FBXO36: variants seen among roughly 807,000 people sequenced by gnomAD.
FBXO36 encodes F-box only protein 36.
In FBXO36, 18 loss-of-function variants were observed where a neutral mutation model predicts 17.0. The observed-to-expected ratio is 1.06, with a 90% CI of 0.73 to 1.57. The LOEUF is 1.57. Ranked by LOEUF, FBXO36 falls within the 40% of genes most tolerant of loss-of-function variation. The probability of loss-of-function intolerance (pLI) is 0.00; values close to 1 mark genes in which losing one functional copy is unlikely to be tolerated. For synonymous variants in FBXO36, 83 were observed against 85.3 expected, an observed-to-expected ratio of 0.97 and a Z score of 0.15; for missense variants, 229 against 221.9, an observed-to-expected ratio of 1.03 and a Z score of -0.20.
At chr2:229,952,592 T>A (rs1029859034) in intron 1 of FBXO36, among the ~76,000 whole-genome samples, 2 of 152,130 alleles carry the variant, frequency 1.3e-5, no homozygotes, top group Non-Finnish European at 2.9e-5. Flanking sequence ...GGGCCACAGA[T>A]GAATGGGAGA....
At chr2:230,004,046 C>T (rs1476640901) in intron 3 of FBXO36, among the ~76,000 whole-genome samples, 3 of 152,200 alleles carry the variant, frequency 2.0e-5, no homozygotes, top group Admixed American at 6.5e-5. Flanking sequence ...AGCACAGCCA[C>T]GGGGCCCTTG....
rs879819532 is a variant in FBXO36 at position 229,971,621 on chromosome 2, T to A, written c.97-4620T>A. On this transcript the variant is annotated intron_variant, in intron 1 of 3. Coordinates refer to ENST00000283946, the MANE Select transcript of FBXO36 (RefSeq NM_174899.5). Reference sequence around the variant, plus strand: ...ATGGAAGGGCAGGTGGGCAATTGAATTCTCTGTGGCAAACAGCATCTGCCA... The same window carrying A: ...ATGGAAGGGCAGGTGGGCAATTGAAATCTCTGTGGCAAACAGCATCTGCCA... Among the ~76,000 whole-genome samples, 21 of 152,278 alleles carry A rather than the reference T, an allele frequency of 1.4e-4. 1 individual carries two copies. The highest frequency in any genetic ancestry group is 3.1e-4 in the Non-Finnish European group (21 of 68,008).
At chr2:230,001,326 T>C (rs868308586) in intron 3 of FBXO36, among the ~76,000 whole-genome samples, 2 of 152,024 alleles carry the variant, frequency 1.3e-5, no homozygotes, top group Middle Eastern at 3.2e-3. Context: ...CTCGCTCTGT[T>C]GCCCAGGCTG....
chr2:229,986,353 T>G (rs1350554027), intron 2 of FBXO36, among the ~76,000 whole-genome samples: 1 of 151,824 alleles, frequency 6.6e-6, no homozygotes, highest in Non-Finnish European at 1.5e-5. Context: ...ATGCAAAAAT[T>G]AACTGGGTGT....
intron 2 of FBXO36, among the ~76,000 whole-genome samples, chr2:229,985,694 C>T (rs1326035192): frequency 1.3e-5 from 2 of 152,162 alleles, no homozygotes; most frequent in African/African-American, 2.4e-5. Context: ...TTATTATTAA[C>T]TGATGTTTTA....
At chr2:229,950,229 C>A (rs1409226362) in intron 1 of FBXO36, among the ~76,000 whole-genome samples, 1 of 152,044 alleles carries the variant, frequency 6.6e-6, no homozygotes, top group Non-Finnish European at 1.5e-5. Context: ...GGTTCGAGAC[C>A]AGCCTGGCCA....
intron 2 of FBXO36, among the ~76,000 whole-genome samples, chr2:229,984,677 C>T (rs549523178): frequency 3.3e-5 from 5 of 152,130 alleles, no homozygotes; most frequent in African/African-American, 1.2e-4. Flanking sequence ...CGTGAGCCAC[C>T]GCGCCCAGCC....
chr2:229,968,939 A>C (rs1294352576), intron 1 of FBXO36, among the ~76,000 whole-genome samples: 1 of 151,650 alleles, frequency 6.6e-6, no homozygotes, highest in Non-Finnish European at 1.5e-5. Context: ...ACATCTGGCT[A>C]ATTTTTGTGT....
At chr2:229,937,885 GTC>G (rs1358195732) in intron 1 of FBXO36, 2 of 152,150 alleles carry the variant, frequency 1.3e-5, no homozygotes, top group Non-Finnish European at 2.9e-5. Flanking sequence ...GCGAGCACAG[GTC>G]TCTCTTCTTG....
chr2:229,941,673 C>T lies in FBXO36; in HGVS notation c.96+19064C>T, dbSNP rs889644630. Among the ~76,000 whole-genome samples, 26 of 151,992 alleles carry T rather than the reference C, an allele frequency of 1.7e-4. 1 individual carries two copies. Among genetic ancestry groups the T allele is most frequent in the Admixed American group, 1.1e-3 (17 of 15,258 alleles). On this transcript the variant is annotated intron_variant, in intron 1 of 3. Coordinates refer to ENST00000283946, the MANE Select transcript of FBXO36 (RefSeq NM_174899.5). ...TAGGAGGGGATTTGTTACTCTCACT[C>T]GAGGCTGCAAGTTGCCTCTCCACAA...
chr2:229,924,748 G>A (rs1256653033), intron 1 of FBXO36, among the ~76,000 whole-genome samples: 1 of 150,926 alleles, frequency 6.6e-6, no homozygotes. Context: ...TAACTTAGGC[G>A]CATGCCTTCC....
rs1427607502 is a variant in FBXO36, at chr2:229,939,284, T to A, written c.96+16675T>A. The A allele has an allele frequency of 3.0e-6, 3 of 984,404 alleles. No individual in the cohort carries two copies. In the African/African-American group the frequency reaches 5.2e-5, roughly 17 times the overall value. The allele number at this position is 984,404 out of a possible 1,614,324, so 61.0% of individuals were successfully genotyped here. A position where few individuals can be genotyped will look rare whatever the true frequency, so the allele number is the denominator to read the frequency against. On this transcript the variant is annotated intron_variant, in intron 1 of 3. Coordinates refer to ENST00000283946, the MANE Select transcript of FBXO36 (RefSeq NM_174899.5). ...ATTATATGAGGTAAGATATACAATT[T>A]TTTTGCACATTTTCTTGCCCTATTT...
chr2:230,010,923 T>C lies in FBXO36; in HGVS notation c.*39T>C, dbSNP rs1425760454. ...TACCAGCAGGGAGCTCAGGCATGGC[T>C]GTGTTTCTCTTCAGTGTCCAAATCT... On this transcript the variant is annotated 3_prime_UTR_variant, in exon 4 of 4. Coordinates refer to ENST00000283946, the MANE Select transcript of FBXO36 (RefSeq NM_174899.5). 1.3e-6 allele frequency: 2 copies of C among 1,548,030 alleles called. No homozygotes were observed. Among genetic ancestry groups the C allele is most frequent in the Non-Finnish European group, 1.8e-6 (2 of 1,142,294 alleles).
At chr2:230,006,666 G>A (rs2077388396) in intron 3 of FBXO36, among the ~76,000 whole-genome samples, 1 of 152,288 alleles carries the variant, frequency 6.6e-6, no homozygotes, top group South Asian at 2.1e-4. Flanking sequence ...AATATGGCTG[G>A]GAATGAAGTG....
chr2:229,979,452 A>T (rs2077226889), intron 2 of FBXO36, among the ~76,000 whole-genome samples: 1 of 151,586 alleles, frequency 6.6e-6, no homozygotes, highest in Admixed American at 6.6e-5. Flanking sequence ...TTGTTTAGAG[A>T]GGGAAGGTTT....
chr2:229,961,047 G>T (rs1202472741), intron 1 of FBXO36, among the ~76,000 whole-genome samples: 1 of 151,908 alleles, frequency 6.6e-6, no homozygotes, highest in Non-Finnish European at 1.5e-5. Context: ...GGCAGAGGTT[G>T]CAGTGAGCCG....
intron 1 of FBXO36, among the ~76,000 whole-genome samples, chr2:229,970,267 A>G (rs2077174142): frequency 6.6e-6 from 1 of 152,144 alleles, no homozygotes; most frequent in Admixed American, 6.6e-5. Context: ...CACCTGTAAT[A>G]TCAACACTTT....
chr2:229,940,821 T>G (rs2076994197), intron 1 of FBXO36, among the ~76,000 whole-genome samples: 1 of 152,150 alleles, frequency 6.6e-6, no homozygotes, highest in Non-Finnish European at 1.5e-5. Context: ...TGGACTTCTA[T>G]CCCCAGAATC....
chr2:229,936,785 G>A (rs572520644), intron 1 of FBXO36, among the ~76,000 whole-genome samples: 9 of 152,106 alleles, frequency 5.9e-5, no homozygotes, highest in South Asian at 2.1e-4. Context: ...GCAAAAGGAC[G>A]ACTTCAGCCC....
Sources: allele counts gnomAD v4.1 joint callset (sites outside exome capture counted in the v4.1 genomes callset), GRCh38; gene constraint gnomAD v4.1.1; transcripts MANE v1.5; gene names NCBI Gene and HGNC (gene_info 2026-07-23, HGNC 2026-07-21).